SAMD12: variants seen among roughly 807,000 people sequenced by gnomAD.
SAMD12 encodes sterile alpha motif domain-containing protein 12.
SAMD12 carries 9 observed loss-of-function variants against 15.0 expected under a neutral mutation model. The observed-to-expected ratio is 0.60, with a 90% CI of 0.36 to 1.05. The LOEUF is 1.05. Ranked by LOEUF, SAMD12 falls within the 50% of genes least tolerant of loss-of-function variation. The probability of loss-of-function intolerance (pLI) is 0.01; values close to 1 mark genes in which losing one functional copy is unlikely to be tolerated. For missense variants in SAMD12, 230 were observed against 234.2 expected, an observed-to-expected ratio of 0.98 and a Z score of 0.12; for synonymous variants, 86 against 90.1, an observed-to-expected ratio of 0.96 and a Z score of 0.25.
At chr8:118,279,790 G>T (rs564534253) in intron 4 of SAMD12, among the ~76,000 whole-genome samples, 2 of 152,330 alleles carry the variant, frequency 1.3e-5, no homozygotes, top group South Asian at 4.1e-4. Flanking sequence ...GCACAATCTT[G>T]TTTCCCATAC....
chr8:118,466,887 A>T (rs1205292032), intron 2 of SAMD12, among the ~76,000 whole-genome samples: 1 of 152,212 alleles, frequency 6.6e-6, no homozygotes, highest in Non-Finnish European at 1.5e-5. Flanking sequence ...ATCTTAAAGG[A>T]AATTAACCAC....
intron 4 of SAMD12, among the ~76,000 whole-genome samples, chr8:118,198,359 G>T (rs17507257): frequency 0.028 from 4,310 of 152,224 alleles, 111 homozygotes; most frequent in African/African-American, 0.066. Context: ...AAATATTAAT[G>T]TATTTTCCTG....
intron 2 of SAMD12, among the ~76,000 whole-genome samples, chr8:118,545,961 C>A (rs138954222): frequency 6.6e-6 from 1 of 152,286 alleles, no homozygotes; most frequent in East Asian, 1.9e-4. Context: ...AGTTACTCCA[C>A]AGAGCTTATG....
chr8:118,395,273 C>CT (rs920867343), intron 3 of SAMD12, among the ~76,000 whole-genome samples: 1 of 152,118 alleles, frequency 6.6e-6, no homozygotes, highest in African/African-American at 2.4e-5. Flanking sequence ...ATGCCAAAGC[C>CT]TATGTACCAC....
At chr8:118,568,653 T>C (rs1826918446) in intron 2 of SAMD12, among the ~76,000 whole-genome samples, 2 of 152,220 alleles carry the variant, frequency 1.3e-5, no homozygotes, top group South Asian at 4.1e-4. Flanking sequence ...CTTTAATTTA[T>C]GGGACTGTTT....
intron 2 of SAMD12, among the ~76,000 whole-genome samples, chr8:118,492,401 C>T (rs1326207860): frequency 6.6e-6 from 1 of 152,056 alleles, no homozygotes; most frequent in Non-Finnish European, 1.5e-5. Context: ...ACATATTCTT[C>T]TTAGGCTGTA....
chr8:118,507,012 T>G (rs1185066273), intron 2 of SAMD12, among the ~76,000 whole-genome samples: 1 of 152,080 alleles, frequency 6.6e-6, no homozygotes, highest in East Asian at 1.9e-4. Flanking sequence ...CTATTTTCCA[T>G]GGCTTAGAGA....
At chr8:118,163,598 G>A in the SAMD12 span, among the ~76,000 whole-genome samples, 2 of 147,776 alleles carry the variant, frequency 1.4e-5, no homozygotes, top group Non-Finnish European at 1.5e-5. Context: ...AGCTTCAGCC[G>A]GGTGCGGTGG....
At chr8:118,524,183 T>C (rs1322865593) in intron 2 of SAMD12, among the ~76,000 whole-genome samples, 1 of 152,154 alleles carries the variant, frequency 6.6e-6, no homozygotes, top group African/African-American at 2.4e-5. Flanking sequence ...CACTCTCTTG[T>C]GAACCACTTC....
chr8:118,207,453 C>G (rs1187886127), intron 4 of SAMD12, among the ~76,000 whole-genome samples: 1 of 152,096 alleles, frequency 6.6e-6, no homozygotes, highest in African/African-American at 2.4e-5. Flanking sequence ...GCCCATTGAA[C>G]CTTCCAGAGG....
intron 2 of SAMD12, among the ~76,000 whole-genome samples, chr8:118,495,283 G>T (rs903027424): frequency 6.6e-6 from 1 of 152,150 alleles, no homozygotes; most frequent in Non-Finnish European, 1.5e-5. Flanking sequence ...CATTAAGCAA[G>T]CCACAGCACA....
intron 4 of SAMD12, among the ~76,000 whole-genome samples, chr8:118,238,961 G>A (rs1292836517): frequency 6.6e-6 from 1 of 152,098 alleles, no homozygotes; most frequent in Admixed American, 6.6e-5. Flanking sequence ...GGTGGAGCAG[G>A]TCTTTTTTTA....
chr8:118,350,148 C>T (rs936646539), intron 4 of SAMD12, among the ~76,000 whole-genome samples: 4 of 152,160 alleles, frequency 2.6e-5, no homozygotes, highest in Non-Finnish European at 5.9e-5. Flanking sequence ...GAGCCCTTCA[C>T]CTATTACCAG....
intron 4 of SAMD12, among the ~76,000 whole-genome samples, chr8:118,345,156 T>A (rs1817572103): frequency 6.6e-6 from 1 of 152,186 alleles, no homozygotes; most frequent in Non-Finnish European, 1.5e-5. Context: ...TTTCTAGGTT[T>A]AAACATATTT....
chr8:118,445,649 A>C (rs1307476420), intron 2 of SAMD12, among the ~76,000 whole-genome samples: 5 of 152,168 alleles, frequency 3.3e-5, no homozygotes, highest in Non-Finnish European at 7.4e-5. Flanking sequence ...ATAGACTTGA[A>C]CCTTTTCTGC....
chr8:118,356,796 T>G (rs1042888895), intron 4 of SAMD12, among the ~76,000 whole-genome samples: 5 of 152,212 alleles, frequency 3.3e-5, no homozygotes, highest in African/African-American at 1.2e-4. Flanking sequence ...TGCTTCATGC[T>G]TCTTCTTCCT....
intron 1 of SAMD12, among the ~76,000 whole-genome samples, chr8:118,595,159 G>A (rs931989280): frequency 3.9e-5 from 6 of 152,124 alleles, no homozygotes; most frequent in Non-Finnish European, 8.8e-5. Context: ...GCATCCTATG[G>A]ACGTCTTAAT....
In SAMD12 at chr8:118,448,930, T is replaced by C. The variant is rs116353477; in HGVS notation, c.193-8969A>G. Among the ~76,000 whole-genome samples the C allele has an allele frequency of 3.2e-3, 495 of 152,342 alleles. 2 individuals carry two copies. Among genetic ancestry groups the C allele is most frequent in the African/African-American group, 0.011 (459 of 41,590 alleles). On this transcript the variant is annotated intron_variant, in intron 2 of 3. Coordinates refer to ENST00000314727, the MANE Select transcript of SAMD12 (RefSeq NM_207506.3). Reference sequence around the variant, plus strand: ...AATGGTTTAACTAAAGTACTTTAAATAGTGCCTCCCACATATAATGTTTAC... The same window carrying C: ...AATGGTTTAACTAAAGTACTTTAAACAGTGCCTCCCACATATAATGTTTAC...
intron 2 of SAMD12, among the ~76,000 whole-genome samples, chr8:118,553,329 C>G (rs1826409563): frequency 6.6e-6 from 1 of 152,054 alleles, no homozygotes; most frequent in African/African-American, 2.4e-5. Flanking sequence ...GGTACCGAAA[C>G]AGAGATATAG....
Sources: allele counts gnomAD v4.1 joint callset (sites outside exome capture counted in the v4.1 genomes callset), GRCh38; gene constraint gnomAD v4.1.1; transcripts MANE v1.5; gene names NCBI Gene and HGNC (gene_info 2026-07-23, HGNC 2026-07-21).